ARK2C: variants seen among roughly 807,000 people sequenced by gnomAD.
ARK2C encodes E3 ubiquitin-protein ligase ARK2C.
At chr18:46,401,003 A>T in the ARK2C span, among the ~76,000 whole-genome samples, 2 of 152,164 alleles carry the variant, frequency 1.3e-5, no homozygotes, top group Non-Finnish European at 2.9e-5. Flanking sequence ...CGCAAAGCTA[A>T]GCCTTGAACT....
the ARK2C span, among the ~76,000 whole-genome samples, chr18:46,453,604 A>C: frequency 6.6e-6 from 1 of 152,164 alleles, no homozygotes; most frequent in South Asian, 2.1e-4. Flanking sequence ...AAAATGTGGA[A>C]AAAACCCTTA....
chr18:46,388,565 C>T, the ARK2C span, among the ~76,000 whole-genome samples: 2 of 152,062 alleles, frequency 1.3e-5, no homozygotes, highest in Admixed American at 6.5e-5. Flanking sequence ...AGGAAGCACA[C>T]GGGGTTGGCA....
chr18:46,358,939 C>T, the ARK2C span, among the ~76,000 whole-genome samples: 9 of 152,288 alleles, frequency 5.9e-5, no homozygotes, highest in Non-Finnish European at 1.2e-4. Context: ...CTCTTGTCCC[C>T]ACAGAGCCCC....
chr18:46,376,187 G>A, the ARK2C span, among the ~76,000 whole-genome samples: 33 of 152,166 alleles, frequency 2.2e-4, no homozygotes, highest in Non-Finnish European at 2.9e-4. Context: ...GCAGCAAAAC[G>A]GTCACCTGCC....
At chr18:46,342,457 C>T in the ARK2C span, among the ~76,000 whole-genome samples, 1 of 152,358 alleles carries the variant, frequency 6.6e-6, no homozygotes, top group African/African-American at 2.4e-5. Context: ...AACCCTGAGC[C>T]TTGCACATCC....
chr18:46,448,708 T>C, the ARK2C span, among the ~76,000 whole-genome samples: 1 of 152,216 alleles, frequency 6.6e-6, no homozygotes, highest in African/African-American at 2.4e-5. Flanking sequence ...GCAGGCCTTC[T>C]TGTGGCTGCA....
the ARK2C span, among the ~76,000 whole-genome samples, chr18:46,352,176 C>T: frequency 6.6e-6 from 1 of 152,164 alleles, no homozygotes; most frequent in Non-Finnish European, 1.5e-5. Context: ...GGCTCCCCTC[C>T]TCCTTGGGGG....
At chr18:46,353,396 G>T in the ARK2C span, among the ~76,000 whole-genome samples, 2 of 152,188 alleles carry the variant, frequency 1.3e-5, no homozygotes, top group Admixed American at 1.3e-4. Context: ...TGTCTGGGCC[G>T]TGAGTCAGGC....
the ARK2C span, among the ~76,000 whole-genome samples, chr18:46,413,192 G>A: frequency 6.6e-6 from 1 of 152,090 alleles, no homozygotes; most frequent in Non-Finnish European, 1.5e-5. Context: ...CTCTCGAGTG[G>A]AATTAGAATA....
chr18:46,334,243 C>T, the ARK2C span: 1 of 1,145,642 alleles, frequency 8.7e-7, no homozygotes, highest in Non-Finnish European at 1.1e-6. This position sits in a 1 kb window ranked among gnomAD's most constrained non-coding sequence, Gnocchi z 4.4. Context: ...CCGCGCGCAG[C>T]CGCCGCCGCC....
chr18:46,381,569 A>C, the ARK2C span, among the ~76,000 whole-genome samples: 2 of 152,106 alleles, frequency 1.3e-5, no homozygotes, highest in Non-Finnish European at 2.9e-5. Flanking sequence ...AGTGGCTCAC[A>C]CCTGTAGTGC....
chr18:46,370,199 T>G, the ARK2C span, among the ~76,000 whole-genome samples: 1 of 152,228 alleles, frequency 6.6e-6, no homozygotes, highest in Non-Finnish European at 1.5e-5. Flanking sequence ...AGGACCATAC[T>G]GGACCAGGCT....
At chr18:46,375,931 A>C in the ARK2C span, among the ~76,000 whole-genome samples, 387 of 152,276 alleles carry the variant, frequency 2.5e-3, 5 homozygotes, top group African/African-American at 8.8e-3. Context: ...AGACTGTACA[A>C]TTTTGGGTGA....
chr18:46,352,785 A>C, the ARK2C span, among the ~76,000 whole-genome samples: 1 of 152,230 alleles, frequency 6.6e-6, no homozygotes, highest in Non-Finnish European at 1.5e-5. Context: ...GAAGTCTTAT[A>C]TACTGAAGGC....
the ARK2C span, chr18:46,335,330 C>T: frequency 6.6e-6 from 1 of 152,062 alleles, no homozygotes; most frequent in Non-Finnish European, 1.5e-5. Context: ...CCCACATCCC[C>T]TCTCCCTCAC....
the ARK2C span, among the ~76,000 whole-genome samples, chr18:46,422,543 C>T: frequency 6.6e-6 from 1 of 152,250 alleles, no homozygotes; most frequent in Non-Finnish European, 1.5e-5. Flanking sequence ...GGCGCAGCCC[C>T]ACCGGCTTGC....
At chr18:46,414,433 T>G in the ARK2C span, among the ~76,000 whole-genome samples, 1 of 152,252 alleles carries the variant, frequency 6.6e-6, no homozygotes, top group Non-Finnish European at 1.5e-5. Context: ...ACAGCTGCTC[T>G]CTGTGTGTGC....
the ARK2C span, among the ~76,000 whole-genome samples, chr18:46,338,949 C>T: frequency 3.9e-5 from 6 of 152,196 alleles, no homozygotes; most frequent in Non-Finnish European, 8.8e-5. Context: ...TTTGTGGCTT[C>T]ATGCAACTCT....
chr18:46,418,674 C>T, the ARK2C span, among the ~76,000 whole-genome samples: 5 of 152,304 alleles, frequency 3.3e-5, no homozygotes, highest in South Asian at 1.0e-3. Flanking sequence ...ATGTAGAAGG[C>T]ATGCAATAAA....
Sources: gnomAD v4.1 joint callset for allele counts (sites outside exome capture counted in the v4.1 genomes callset) on GRCh38, gnomAD v4.1.1 for gene constraint, Gnocchi (gnomAD v3.1) non-coding constraint, MANE v1.5 for transcripts, NCBI Gene and HGNC (gene_info 2026-07-23, HGNC 2026-07-21) for gene names.